The following NPSR1 variants were observed in gnomAD, a reference collection of about 807,000 sequenced individuals.
NPSR1 encodes the protein neuropeptide S receptor 1.
In NPSR1, 48 loss-of-function variants were observed where a neutral mutation model predicts 46.9. The observed-to-expected ratio is 1.02, with a 90% CI of 0.81 to 1.30. The LOEUF (loss-of-function observed/expected upper bound fraction) is 1.30, where lower values mean the gene tolerates loss of function less well. NPSR1 is among the 50% of genes most tolerant of loss of function. The probability of loss-of-function intolerance (pLI) is 0.00; values close to 1 mark genes in which losing one functional copy is unlikely to be tolerated. For synonymous variants in NPSR1, 176 were observed against 168.1 expected (o/e 1.05, Z -0.36); for missense variants, 450 against 449.5 (o/e 1.00, Z -0.01).
intron 3 of NPSR1, among the ~76,000 whole-genome samples, chr7:34,795,112 C>A (rs150584626): frequency 2.6e-5 from 4 of 152,174 alleles, no homozygotes; most frequent in Middle Eastern, 3.4e-3. Context: ...TGGTTCAACA[C>A]TGGATATCAG....
intron 1 of NPSR1, among the ~76,000 whole-genome samples, chr7:34,672,229 A>G (rs1002805301): frequency 4.6e-5 from 7 of 152,298 alleles, no homozygotes; most frequent in Admixed American, 3.9e-4. Context: ...TGGGTTTCCA[A>G]ATGATTTCTA....
At chr7:34,841,176 A>G (rs1281118205) in intron 6 of NPSR1, among the ~76,000 whole-genome samples, 1 of 152,208 alleles carries the variant, frequency 6.6e-6, no homozygotes, top group Non-Finnish European at 1.5e-5. Context: ...ATGTTTCTAA[A>G]CAAATCACCT....
At chr7:34,789,957 C>T (rs901102944) in intron 3 of NPSR1, among the ~76,000 whole-genome samples, 3 of 152,004 alleles carry the variant, frequency 2.0e-5, no homozygotes, top group African/African-American at 7.2e-5. Flanking sequence ...TAGAGAAGAA[C>T]TAATAGCAAT....
intron 1 of NPSR1, among the ~76,000 whole-genome samples, chr7:34,668,185 C>T (rs941224499): frequency 1.3e-4 from 20 of 152,188 alleles, no homozygotes; most frequent in Admixed American, 3.3e-4. Flanking sequence ...AGATATTGAA[C>T]GAAGGTGTTC....
intron 8 of NPSR1, among the ~76,000 whole-genome samples, chr7:34,872,924 T>A (rs765828845): frequency 6.6e-6 from 1 of 151,836 alleles, no homozygotes; most frequent in Non-Finnish European, 1.5e-5. Context: ...TAAATATAAG[T>A]TCCAGTTTCA....
Position 34,823,399 on chromosome 7 carries a change from G to GAAAAAA in NPSR1, c.479-3990_479-3985dup, listed in dbSNP as rs577186339. ...TTGGCAACAGAGCAAGACTTCACCA[G>GAAAAAA]AAAAAAAAAAAAAAAAACAACACCA... On this transcript the variant is annotated intron_variant, in intron 4 of 8. Transcript: ENST00000360581. Among the ~76,000 whole-genome samples the GAAAAAA allele has an allele frequency of 4.7e-3, 319 of 68,200 alleles. 14 individuals carry two copies. Among genetic ancestry groups the GAAAAAA allele is most frequent in the African/African-American group, 6.8e-3 (132 of 19,546 alleles). 44.7% of individuals were successfully genotyped at this position (68,200 alleles called of 152,430 possible).
At chr7:34,823,008 C>G (rs895855608) in intron 4 of NPSR1, among the ~76,000 whole-genome samples, 3 of 151,910 alleles carry the variant, frequency 2.0e-5, no homozygotes, top group Non-Finnish European at 4.4e-5. Flanking sequence ...AGAAAAATAT[C>G]CTTTTTATAA....
At chr7:34,751,206 G>A (rs1785504260) in intron 2 of NPSR1, 2 of 1,115,918 alleles carry the variant, frequency 1.8e-6, no homozygotes, top group South Asian at 2.5e-5. Context: ...TGGGAAAGTG[G>A]ATGGCCAGAT....
In NPSR1 at chr7:34,765,607, C is replaced by T. The variant is rs1034864237; in HGVS notation, c.281-12855C>T. Among the ~76,000 whole-genome samples the T allele has an allele frequency of 7.9e-5, 12 of 152,270 alleles. No individual in the cohort carries two copies. In the East Asian group the frequency reaches 1.4e-3, roughly 17 times the overall value. ...GAAGAAAACTGTTCTCCCAAAAGGACGCATGCACTCATATATTCATCATAG... is the reference window on the plus strand; with the variant it reads ...GAAGAAAACTGTTCTCCCAAAAGGATGCATGCACTCATATATTCATCATAG... On this transcript the variant is annotated intron_variant, in intron 2 of 8. Coordinates refer to ENST00000360581, the MANE Select transcript of NPSR1 (RefSeq NM_207172.2).
chr7:34,661,527 C>T (rs986388246), intron 1 of NPSR1, among the ~76,000 whole-genome samples: 2 of 152,178 alleles, frequency 1.3e-5, no homozygotes, highest in African/African-American at 2.4e-5. Flanking sequence ...CAAAGCACCC[C>T]GTCTAGATCT....
chr7:34,780,795 A>C (rs1301673781), intron 3 of NPSR1, among the ~76,000 whole-genome samples: 2 of 152,188 alleles, frequency 1.3e-5, no homozygotes, highest in Admixed American at 1.3e-4. Context: ...CATGTCTGGC[A>C]GTTCTCTGGA....
At chr7:34,825,452 C>T (rs1789779108) in intron 4 of NPSR1, among the ~76,000 whole-genome samples, 1 of 152,188 alleles carries the variant, frequency 6.6e-6, no homozygotes, top group Admixed American at 6.5e-5. Flanking sequence ...GGACCAATGA[C>T]TACATCACAC....
At chr7:34,771,744 T>A (rs1786695404) in intron 2 of NPSR1, among the ~76,000 whole-genome samples, 1 of 152,126 alleles carries the variant, frequency 6.6e-6, no homozygotes, top group African/African-American at 2.4e-5. Flanking sequence ...CAGCTTCACC[T>A]CTAACTTTCT....
At chr7:34,667,857 C>G (rs559825695) in intron 1 of NPSR1, among the ~76,000 whole-genome samples, 1 of 152,178 alleles carries the variant, frequency 6.6e-6, no homozygotes, top group African/African-American at 2.4e-5. Context: ...TTCTCACCAT[C>G]CCTCTTTTAT....
chr7:34,728,809 C>G (rs888195980), intron 2 of NPSR1: 3 of 152,620 alleles, frequency 2.0e-5, no homozygotes, highest in African/African-American at 7.2e-5. Flanking sequence ...CGTTTCTTCT[C>G]ACATAAGCTG....
rs1371277880 is a variant in NPSR1, at chr7:34,738,760, C to A, written c.281-39702C>A. Among the ~76,000 whole-genome samples the A allele has an allele frequency of 2.0e-5, 3 of 152,098 alleles. No individual in the cohort carries two copies. In the East Asian group the frequency reaches 5.8e-4, roughly 29 times the overall value. Reference sequence around the variant, plus strand: ...TTTAATTGAGGTAAAATTTATATAACATATCATTCATCAAATTAACCAAGT... The same window carrying A: ...TTTAATTGAGGTAAAATTTATATAAAATATCATTCATCAAATTAACCAAGT... On this transcript the variant is annotated intron_variant, in intron 2 of 8. Coordinates refer to ENST00000360581, the MANE Select transcript of NPSR1 (RefSeq NM_207172.2).
intron 4 of NPSR1, among the ~76,000 whole-genome samples, chr7:34,812,567 C>T (rs1001306075): frequency 6.6e-6 from 1 of 152,120 alleles, no homozygotes; most frequent in Non-Finnish European, 1.5e-5. Flanking sequence ...GGATTAATCA[C>T]AGCAAGTTTC....
At chr7:34,822,267 G>A (rs1274756450) in intron 4 of NPSR1, among the ~76,000 whole-genome samples, 1 of 152,174 alleles carries the variant, frequency 6.6e-6, no homozygotes, top group African/African-American at 2.4e-5. Context: ...CGGAGTTTAT[G>A]CGGCTCAGCT....
At chr7:34,763,505 G>A (rs2128730000) in intron 2 of NPSR1, among the ~76,000 whole-genome samples, 1 of 151,440 alleles carries the variant, frequency 6.6e-6, no homozygotes, top group South Asian at 2.1e-4. Flanking sequence ...TAGTGGAATA[G>A]GAAAGAAATA....
Sources: allele counts gnomAD v4.1 joint callset (sites outside exome capture counted in the v4.1 genomes callset), GRCh38; gene constraint gnomAD v4.1.1; transcripts MANE v1.5; gene names NCBI Gene and HGNC (gene_info 2026-07-23, HGNC 2026-07-21).